HS2ST1: variants seen among roughly 807,000 people sequenced by gnomAD.
The protein encoded by HS2ST1 is 2-O-sulfotransferase.
A neutral mutation model predicts 42.9 loss-of-function variants in HS2ST1; 18 were observed. The ratio of observed to expected loss-of-function variants is 0.42; its 90% CI spans 0.29 to 0.62. The LOEUF is 0.62. Among genes scored for constraint, HS2ST1 ranks in the 20% least tolerant of loss-of-function variants. HS2ST1 has a pLI of 0.21. For synonymous variants in HS2ST1, 146 were observed against 152.9 expected, an observed-to-expected ratio of 0.95 and a Z score of 0.33; for missense variants, 334 against 433.8, an observed-to-expected ratio of 0.77 and a Z score of 2.04.
At chr1:86,998,319 G>C (rs1241229878) in intron 1 of HS2ST1, among the ~76,000 whole-genome samples, 2 of 152,134 alleles carry the variant, frequency 1.3e-5, no homozygotes, top group African/African-American at 4.8e-5. Context: ...TCAGGAGCTT[G>C]TTTTTTATAG....
At chr1:86,944,172 C>T (rs1015628808) in intron 1 of HS2ST1, among the ~76,000 whole-genome samples, 11 of 151,774 alleles carry the variant, frequency 7.2e-5, no homozygotes, top group Admixed American at 5.3e-4. Flanking sequence ...AAAAATTATT[C>T]GATAGTGGAA....
chr1:87,086,237 A>G (rs1337042806), intron 3 of HS2ST1, among the ~76,000 whole-genome samples: 1 of 152,154 alleles, frequency 6.6e-6, no homozygotes, highest in East Asian at 1.9e-4. Context: ...GCCTGAGTAT[A>G]TAAAAATCGC....
intron 1 of HS2ST1, among the ~76,000 whole-genome samples, chr1:87,028,678 T>A (rs893835353): frequency 1.3e-5 from 2 of 152,236 alleles, no homozygotes; most frequent in Non-Finnish European, 2.9e-5. Context: ...ACACACACGT[T>A]TTTGCAAACT....
chr1:86,961,211 G>A (rs982544860), intron 1 of HS2ST1, among the ~76,000 whole-genome samples: 23 of 151,868 alleles, frequency 1.5e-4, no homozygotes, highest in African/African-American at 5.6e-4. Context: ...ACCCCAGCCT[G>A]GGTGAACAGA....
intron 1 of HS2ST1, among the ~76,000 whole-genome samples, chr1:87,043,472 T>C (rs1476835181): frequency 6.6e-6 from 1 of 152,100 alleles, no homozygotes; most frequent in African/African-American, 2.4e-5. Flanking sequence ...AAACATTTTA[T>C]TCTAAATTTA....
At chr1:87,001,345 T>C (rs546645348) in intron 1 of HS2ST1, among the ~76,000 whole-genome samples, 19 of 152,324 alleles carry the variant, frequency 1.2e-4, no homozygotes, top group African/African-American at 4.6e-4. Flanking sequence ...TTATTTACTT[T>C]TGGGGGATAA....
At chr1:86,952,646 G>C (rs545247798) in intron 1 of HS2ST1, among the ~76,000 whole-genome samples, 1 of 152,326 alleles carries the variant, frequency 6.6e-6, no homozygotes, top group African/African-American at 2.4e-5. Context: ...TTCTCCATCA[G>C]AGTTATTGGG....
intron 1 of HS2ST1, among the ~76,000 whole-genome samples, chr1:86,926,650 G>A (rs1440246821): frequency 6.6e-6 from 1 of 152,146 alleles, no homozygotes; most frequent in Non-Finnish European, 1.5e-5. Flanking sequence ...GTAGAAACTG[G>A]GTGAATCTTT....
rs556585745 is a variant in HS2ST1, at chr1:86,996,096, G to T, written c.125-76838G>T. On this transcript the variant is annotated intron_variant, in intron 1 of 6. Coordinates refer to ENST00000370550, the MANE Select transcript of HS2ST1 (RefSeq NM_012262.4). Reference sequence around the variant, plus strand: ...TAACTAGGTAGGGACAGTAGATAAGGATGGTTTAATGCTGTGCAGAAAAGG... The same window carrying T: ...TAACTAGGTAGGGACAGTAGATAAGTATGGTTTAATGCTGTGCAGAAAAGG... Among the ~76,000 whole-genome samples, 5 of 152,160 alleles carry T rather than the reference G, an allele frequency of 3.3e-5. No individual in the cohort carries two copies. The East Asian group carries it at 9.6e-4, about 29-fold the overall frequency.
intron 1 of HS2ST1, among the ~76,000 whole-genome samples, chr1:86,947,584 C>CT (rs370209111): frequency 0.096 from 13,416 of 139,240 alleles, 684 homozygotes; most frequent in Non-Finnish European, 0.13. Context: ...GTCCCTTCTC[C>CT]TTTTTTTTTT....
At chr1:87,046,149 C>T in intron 1 of HS2ST1, 1 of 735,604 alleles carries the variant, frequency 1.4e-6, no homozygotes. Context: ...CAGAGCTGCC[C>T]AAAACCGTGT....
intron 1 of HS2ST1, among the ~76,000 whole-genome samples, chr1:86,929,238 A>G (rs1227287514): frequency 1.3e-5 from 2 of 151,790 alleles, no homozygotes; most frequent in Non-Finnish European, 3.0e-5. Flanking sequence ...TCTCTTTGCC[A>G]TTGTTGTCTT....
chr1:87,100,930 G>A (rs903512123), intron 5 of HS2ST1, among the ~76,000 whole-genome samples: 2 of 152,022 alleles, frequency 1.3e-5, no homozygotes, highest in Non-Finnish European at 2.9e-5. Context: ...AACAAAAAGA[G>A]GGGGCTTTCC....
intron 1 of HS2ST1, among the ~76,000 whole-genome samples, chr1:87,004,165 C>T (rs746862008): frequency 3.2e-4 from 49 of 151,988 alleles, no homozygotes; most frequent in Non-Finnish European, 5.9e-4. Flanking sequence ...CTGAGATGGG[C>T]GGATCACCTG....
intron 5 of HS2ST1, among the ~76,000 whole-genome samples, chr1:87,098,618 G>A (rs1358181945): frequency 6.6e-6 from 1 of 152,148 alleles, no homozygotes; most frequent in African/African-American, 2.4e-5. Context: ...TTAGATTGCT[G>A]TGGAGTTTAA....
intron 1 of HS2ST1, among the ~76,000 whole-genome samples, chr1:87,013,797 T>G (rs1649672654): frequency 1.3e-5 from 2 of 152,210 alleles, no homozygotes; most frequent in South Asian, 4.1e-4. Flanking sequence ...AGTCACCTCT[T>G]GAACACTTTG....
rs11423322 is a variant in HS2ST1 at position 86,987,068 on chromosome 1, G to GTTT, written c.124+71925_124+71927dup. ...CCACTATTAAGGTTGTGATAGCCAG[G>GTTT]TTTTTTTTTTTTTTTTTTTGAGATA... On this transcript the variant is annotated intron_variant, in intron 1 of 6. Transcript: ENST00000370550. Among the ~76,000 whole-genome samples the GTTT allele has an allele frequency of 4.2e-3, 498 of 117,200 alleles. 17 individuals carry two copies. Among genetic ancestry groups the GTTT allele is most frequent in the South Asian group, 0.021 (76 of 3,542 alleles). 76.9% of individuals were successfully genotyped at this position (117,200 alleles called of 152,430 possible).
chr1:86,987,929 T>C (rs1648837545), intron 1 of HS2ST1, among the ~76,000 whole-genome samples: 1 of 152,174 alleles, frequency 6.6e-6, no homozygotes, highest in South Asian at 2.1e-4. Context: ...TTTTACCTTT[T>C]TTGTCTGTGG....
intron 1 of HS2ST1, among the ~76,000 whole-genome samples, chr1:86,982,217 C>G (rs763565038): frequency 3.9e-5 from 6 of 152,276 alleles, no homozygotes; most frequent in South Asian, 2.1e-4. Flanking sequence ...CTGATGATAC[C>G]ACTGTTCCTT....
Sources: allele counts gnomAD v4.1 joint callset (sites outside exome capture counted in the v4.1 genomes callset), GRCh38; gene constraint gnomAD v4.1.1; transcripts MANE v1.5; gene names NCBI Gene and HGNC (gene_info 2026-07-23, HGNC 2026-07-21).